Variants in ABCB11 observed in about 807,000 individuals in gnomAD.
ABCB11 encodes the protein ATP binding cassette subfamily B member 11.
In ABCB11, 95 loss-of-function variants were observed where a neutral mutation model predicts 148.0. The observed-to-expected ratio is 0.64, with a 90% CI of 0.54 to 0.76. ABCB11 has a LOEUF of 0.76. Ranked by LOEUF, ABCB11 falls within the 30% of genes least tolerant of loss-of-function variation. The pLI, the probability that ABCB11 is intolerant of heterozygous loss-of-function variation, is 0.00. For missense variants in ABCB11, 1,523 were observed against 1,617.8 expected, an observed-to-expected ratio of 0.94 and a Z score of 1.01; for synonymous variants, 591 against 555.4, an observed-to-expected ratio of 1.06 and a Z score of -0.90.
At chr2:169,013,098 A>C (rs1450215700) in intron 5 of ABCB11, among the ~76,000 whole-genome samples, 174 bp downstream of exon 5, 1 of 152,194 alleles carries the variant, frequency 6.6e-6, no homozygotes, top group Non-Finnish European at 1.5e-5. Context: ...ACATAGTAAG[A>C]TAGAAGGAAA....
intron 9 of ABCB11, among the ~76,000 whole-genome samples, chr2:168,988,960 T>C (rs1379641973): frequency 6.6e-6 from 1 of 152,152 alleles, no homozygotes. Flanking sequence ...TCAGGTCTTT[T>C]GACCACTTTT....
At chr2:169,005,426 G>A (rs1040989737) in intron 5 of ABCB11, among the ~76,000 whole-genome samples, 5 of 152,104 alleles carry the variant, frequency 3.3e-5, no homozygotes, top group African/African-American at 4.8e-5. Context: ...TATGTTCCCA[G>A]GAGGATTATG....
chr2:168,939,480 A>G (rs1228525782), intron 21 of ABCB11, among the ~76,000 whole-genome samples: 1 of 152,068 alleles, frequency 6.6e-6, no homozygotes, highest in African/African-American at 2.4e-5. Context: ...ATATGGTTAT[A>G]TTAGGGATAT....
At chr2:168,993,475 T>C (rs148731254) in intron 8 of ABCB11, among the ~76,000 whole-genome samples, 9 of 152,210 alleles carry the variant, frequency 5.9e-5, no homozygotes, top group African/African-American at 1.9e-4. Context: ...AGAGAAACAG[T>C]GAATGCTCAA....
chr2:168,976,717 T>C lies in ABCB11; in HGVS notation c.1198-30A>G, dbSNP rs762559551. 28 of 1,394,666 alleles carry C rather than the reference T, an allele frequency of 2.0e-5. 1 individual carries two copies. In the Middle Eastern group the frequency reaches 1.4e-3, roughly 70 times the overall value. The allele number at this position is 1,394,666 out of a possible 1,614,324, so 86.4% of individuals were successfully genotyped here. A position where few individuals can be genotyped will look rare whatever the true frequency, so the allele number is the denominator to read the frequency against. ...AGTGAAATACAAAAGGGACACAGTG[T>C]AAACTCAAACTAAGATGCACAACTC... On this transcript the variant is annotated intron_variant, in intron 11 of 27. Coordinates refer to ENST00000650372, the MANE Select transcript of ABCB11 (RefSeq NM_003742.4).
intron 1 of ABCB11, among the ~76,000 whole-genome samples, chr2:169,025,994 G>A (rs888627158): frequency 6.6e-6 from 1 of 152,104 alleles, no homozygotes; most frequent in Non-Finnish European, 1.5e-5. Flanking sequence ...TAAAAAGCTG[G>A]GACTATGTTA....
chr2:168,927,316 C>T lies in ABCB11; in HGVS notation c.3458G>A (p.Arg1153His), dbSNP rs748862206. ...DSKKVNVQFL[R>H]SNIGIVSQEP... ...CTGGGAAACAATTCCAATGTTTGAG[C>T]GGAGGAACTGGACATTTACTTTTTT... Residue 1153 changes from arginine (R) to histidine (H), a missense_variant, in exon 26 of 28, where the codon CGC becomes CAC. Coordinates refer to ENST00000650372, the MANE Select transcript of ABCB11 (RefSeq NM_003742.4). 10 of 1,613,842 alleles carry T rather than the reference C, an allele frequency of 6.2e-6. No homozygotes were observed. Among genetic ancestry groups the T allele is most frequent in the East Asian group, 2.2e-5 (1 of 44,882 alleles).
intron 8 of ABCB11, among the ~76,000 whole-genome samples, chr2:168,992,876 A>G (rs1412690996): frequency 6.6e-6 from 1 of 152,112 alleles, no homozygotes; most frequent in Non-Finnish European, 1.5e-5. Flanking sequence ...CCTATTGCTC[A>G]ACGATGTGTG....
chr2:169,021,117 C>A (rs1695525936), intron 1 of ABCB11, among the ~76,000 whole-genome samples: 1 of 151,880 alleles, frequency 6.6e-6, no homozygotes, highest in Non-Finnish European at 1.5e-5. Context: ...TATGAGCCAC[C>A]ATGCCTGGAT....
At chr2:168,923,902 G>A (rs1244784137) in intron 27 of ABCB11, 80 bp from the exon 28 acceptor site, 5 of 1,352,606 alleles carry the variant, frequency 3.7e-6, no homozygotes, top group Non-Finnish European at 4.2e-6. Flanking sequence ...CAGTTAACAC[G>A]ACCTGAATAA....
Position 168,973,818 on chromosome 2 carries a change from A to G in ABCB11, c.1331T>C (p.Val444Ala), listed in dbSNP as rs2287622. 0.59 allele frequency: 951,520 copies of G among 1,610,750 alleles called. 282,763 individuals carry two copies. The highest frequency in any genetic ancestry group is 0.73 in the East Asian group (32,529 of 44,772). ...EVKILNDLNM[V>A]IKPGEMTALV... ...AGCTGTCATTTCCCCTGGTTTAATGACCATGTTGAGGTCATTTAGAATCTG... is the reference window on the plus strand; with the variant it reads ...AGCTGTCATTTCCCCTGGTTTAATGGCCATGTTGAGGTCATTTAGAATCTG... Residue 444 changes from valine to alanine, a missense_variant, in exon 13 of 28, where the codon GTC (valine) becomes GCC (alanine). By Grantham distance (64) the Val-to-Ala change is moderately conservative. Transcript: ENST00000650372.
At position 168,923,673 on chromosome 2, in the gene ABCB11, G is replaced by T. The variant is rs1436213702; in HGVS notation, c.3915C>A (p.Ala1305=). The T allele has an allele frequency of 1.2e-6, 2 of 1,613,548 alleles. No individual in the cohort carries two copies. The change falls in exon 28 of 28, where the codon GCC becomes GCA. Residue 1305 remains alanine (A), a synonymous_variant. Transcript: ENST00000650372. ...IEKGTHEELM[A]QKGAYYKLVT... Reference sequence around the variant, plus strand: ...CTAGTTTGTAGTAGGCTCCTTTTTGGGCCATCAGTTCTTCATGGGTCCCCT... The same window carrying T: ...CTAGTTTGTAGTAGGCTCCTTTTTGTGCCATCAGTTCTTCATGGGTCCCCT...
Position 168,986,208 on chromosome 2 carries a change from C to T in ABCB11, c.985G>A (p.Val329Met), listed in dbSNP as rs1031565435. 7 of 1,613,224 alleles carry T rather than the reference C, an allele frequency of 4.3e-6. No homozygotes were observed. The highest frequency in any genetic ancestry group is 1.1e-5 in the South Asian group (1 of 91,066). ...GIVMGFFTGF[V>M]WCLIFLCYAL... The stretch of plus-strand genomic sequence containing the variant: ...TAACACAAAAAGATGAGACACCACA[C>T]GAATCCAGTAAAGAATCCCATCACT... Residue 329 changes from valine (V) to methionine (M), a missense_variant, in exon 10 of 28, where the codon GTG becomes ATG. Val to Met is a conservative substitution (Grantham distance 21). Coordinates refer to ENST00000650372, the MANE Select transcript of ABCB11 (RefSeq NM_003742.4).
chr2:168,923,821 G>C lies in ABCB11; in HGVS notation c.3767C>G (p.Thr1256Arg), dbSNP rs763244136. 3 of 1,613,684 alleles carry C rather than the reference G, an allele frequency of 1.9e-6. No homozygotes were observed. The highest frequency in any genetic ancestry group is 2.5e-6 in the Non-Finnish European group (3 of 1,179,798). The change falls in exon 28 of 28, where the codon ACG becomes AGG. Residue 1256 changes from threonine to arginine, a missense_variant and splice_region_variant. Thr to Arg is a moderately conservative substitution (Grantham distance 71, BLOSUM62 -1). Transcript: ENST00000650372. ...GGCTTTGTCTAGAGCAACCTGCACC[G>C]TCTGCAAAGAGAAGATGGAAAGTTG... ...TSALDTESEK[T>R]VQVALDKARE... is the part of the protein sequence containing the mutation.
Position 168,990,800 on chromosome 2 carries a change from C to T in ABCB11, c.908+1G>A, listed in dbSNP as rs147649016. 9 of 1,612,716 alleles carry T rather than the reference C, an allele frequency of 5.6e-6. No homozygotes were observed. Among genetic ancestry groups the T allele is most frequent in the African/African-American group, 4.0e-5 (3 of 74,972 alleles). ...AAAGAATCAGATTCCAATTAACCAA[C>T]CTTTCAACCTCTCTTTTCTCACCAC... On this transcript the variant is annotated splice_donor_variant, in intron 9 of 27. Transcript: ENST00000650372. LOFTEE classifies it high-confidence loss of function.
chr2:168,988,279 C>A (rs1694396300), intron 9 of ABCB11, among the ~76,000 whole-genome samples: 1 of 152,060 alleles, frequency 6.6e-6, no homozygotes, highest in African/African-American at 2.4e-5. Flanking sequence ...CGCCTGCCCC[C>A]TCCCACCTCA....
intron 7 of ABCB11, among the ~76,000 whole-genome samples, chr2:168,995,001 T>C (rs971641693): frequency 3.9e-5 from 6 of 152,028 alleles, no homozygotes; most frequent in Non-Finnish European, 8.8e-5. Flanking sequence ...TTCCTCTCAT[T>C]TAGAATTCCT....
At position 168,936,427 on chromosome 2, in the gene ABCB11, C is replaced by T. The variant is rs559849564; in HGVS notation, c.2617G>A (p.Gly873Ser). Residue 873 changes from glycine to serine, a missense_variant, in exon 22 of 28, where the codon GGC becomes AGC. Coordinates refer to ENST00000650372, the MANE Select transcript of ABCB11 (RefSeq NM_003742.4). ...TTGACTATCATCCCGATCTGAGAGC[C>T]GGCAGCCTGCAAACCAAAAAGCAAT... ...TDASQVQGAA[G>S]SQIGMIVNSF... 3.7e-5 allele frequency: 60 copies of T among 1,613,832 alleles called. No individual in the cohort carries two copies. In the South Asian group the frequency reaches 5.7e-4, roughly 15 times the overall value.
chr2:168,915,810 C>T (rs555391383), downstream of ABCB11, among the ~76,000 whole-genome samples: 1 of 152,196 alleles, frequency 6.6e-6, no homozygotes, highest in Non-Finnish European at 1.5e-5. Flanking sequence ...TGTCACCTGG[C>T]CTTCATCTAG....
Sources: allele counts gnomAD v4.1 joint callset (sites outside exome capture counted in the v4.1 genomes callset), GRCh38; gene constraint gnomAD v4.1.1; transcripts MANE v1.5; gene names NCBI Gene and HGNC (gene_info 2026-07-23, HGNC 2026-07-21).